Variants in CCDC148 observed in about 807,000 individuals in gnomAD.
CCDC148 encodes coiled-coil domain-containing protein 148.
CCDC148 carries 89 observed loss-of-function variants against 85.7 expected under a neutral mutation model. The observed-to-expected ratio is 1.04, with a 90% CI of 0.87 to 1.24. The LOEUF (loss-of-function observed/expected upper bound fraction) is 1.24. Among genes scored for constraint, CCDC148 ranks in the 50% most tolerant of loss-of-function variants. CCDC148 has a pLI of 0.00. For missense variants in CCDC148, 692 were observed against 671.7 expected (o/e 1.03, Z -0.33); for synonymous variants, 230 against 213.9 (o/e 1.08, Z -0.66).
At chr2:158,407,139 C>T (rs1686062706) in intron 1 of CCDC148, among the ~76,000 whole-genome samples, 1 of 152,076 alleles carries the variant, frequency 6.6e-6, no homozygotes, top group Non-Finnish European at 1.5e-5. Flanking sequence ...GCTTTTGATA[C>T]AATCCTCAAA....
intron 1 of CCDC148, among the ~76,000 whole-genome samples, chr2:158,437,581 C>T (rs1687720991): frequency 2.0e-5 from 3 of 152,122 alleles, no homozygotes; most frequent in African/African-American, 7.2e-5. Flanking sequence ...ACAGGGATGC[C>T]CTCTCTCACC....
chr2:158,410,196 T>C (rs1216628464), intron 1 of CCDC148, among the ~76,000 whole-genome samples: 1 of 152,210 alleles, frequency 6.6e-6, no homozygotes, highest in East Asian at 1.9e-4. Context: ...AGTTACTATT[T>C]GCATGGAATA....
chr2:158,446,600 T>A (rs961917906), intron 1 of CCDC148, among the ~76,000 whole-genome samples: 1 of 152,170 alleles, frequency 6.6e-6, no homozygotes, highest in Non-Finnish European at 1.5e-5. Flanking sequence ...CCATTATTTT[T>A]AAAGTTTTTT....
chr2:158,454,794 C>T (rs1688535294), intron 1 of CCDC148, among the ~76,000 whole-genome samples: 1 of 152,100 alleles, frequency 6.6e-6, no homozygotes, highest in African/African-American at 2.4e-5. Flanking sequence ...TGCTTAGTAG[C>T]GCAGGAGCAA....
intron 11 of CCDC148, among the ~76,000 whole-genome samples, chr2:158,191,326 C>A (rs770374035): frequency 9.2e-5 from 14 of 151,950 alleles, no homozygotes; most frequent in Non-Finnish European, 1.8e-4. Context: ...ATCAAAAGGA[C>A]CAAAGGTTTT....
At chr2:158,442,925 C>T (rs1439932807) in intron 1 of CCDC148, among the ~76,000 whole-genome samples, 2 of 152,214 alleles carry the variant, frequency 1.3e-5, no homozygotes, top group Non-Finnish European at 2.9e-5. Context: ...CAAACCCAGG[C>T]AGTCTGGCTC....
rs532964325 is a variant in CCDC148, at chr2:158,280,661, A to C, written c.1110+28772T>G. Among the ~76,000 whole-genome samples the C allele has an allele frequency of 7.7e-3, 1,170 of 152,268 alleles. 6 individuals carry two copies. Among genetic ancestry groups the C allele is most frequent in the South Asian group, 0.029 (138 of 4,810 alleles). On this transcript the variant is annotated intron_variant, in intron 9 of 13. Transcript: ENST00000283233. ...AGTGACCTACAAAGAGACTTAGACT[A>C]CCACACATTAATAACGGGAGACTTT...
chr2:158,328,943 A>G (rs187953953), intron 7 of CCDC148, among the ~76,000 whole-genome samples: 402 of 151,720 alleles, frequency 2.6e-3, no homozygotes, highest in Non-Finnish European at 4.9e-3. Flanking sequence ...GAATGCAAAA[A>G]TTTTCTCCCA....
At chr2:158,267,671 A>G (rs1357298161) in intron 9 of CCDC148, among the ~76,000 whole-genome samples, 1 of 152,168 alleles carries the variant, frequency 6.6e-6, no homozygotes, top group Non-Finnish European at 1.5e-5. Flanking sequence ...AAAGAATTTA[A>G]CTCTGCTTTC....
At chr2:158,290,090 T>C (rs573031383) in intron 9 of CCDC148, among the ~76,000 whole-genome samples, 2 of 152,262 alleles carry the variant, frequency 1.3e-5, no homozygotes, top group African/African-American at 4.8e-5. Context: ...GGGTAGAGCA[T>C]AGTAGAGGTG....
chr2:158,283,916 C>A (rs1690478121), intron 9 of CCDC148, among the ~76,000 whole-genome samples: 1 of 151,594 alleles, frequency 6.6e-6, no homozygotes, highest in South Asian at 2.1e-4. Flanking sequence ...GAAAATGTGG[C>A]ACATATACAC....
intron 9 of CCDC148, among the ~76,000 whole-genome samples, chr2:158,285,404 G>A (rs555056748): frequency 3.3e-5 from 5 of 151,884 alleles, no homozygotes; most frequent in African/African-American, 1.2e-4. Flanking sequence ...CATAGCATAT[G>A]AAATAGGAAA....
chr2:158,357,399 T>C (rs1451507967), intron 2 of CCDC148, among the ~76,000 whole-genome samples: 1 of 152,132 alleles, frequency 6.6e-6, no homozygotes, highest in East Asian at 1.9e-4. Context: ...TAAAAGATTA[T>C]GTGATAGACT....
chr2:158,438,066 T>C (rs1204821793), intron 1 of CCDC148, among the ~76,000 whole-genome samples: 1 of 152,110 alleles, frequency 6.6e-6, no homozygotes, highest in Non-Finnish European at 1.5e-5. Flanking sequence ...AATTTATAGA[T>C]TCAATGCCAT....
intron 9 of CCDC148, 57 bp downstream of exon 9, chr2:158,309,376 G>A: frequency 2.8e-6 from 4 of 1,433,364 alleles, no homozygotes; most frequent in Non-Finnish European, 3.8e-6. Flanking sequence ...GAACAAAAGG[G>A]AAAAATGGAT....
At chr2:158,305,097 A>G (rs966073334) in intron 9 of CCDC148, among the ~76,000 whole-genome samples, 1 of 152,154 alleles carries the variant, frequency 6.6e-6, no homozygotes, top group Non-Finnish European at 1.5e-5. Context: ...ATGACAGTGC[A>G]GATCTGCCAG....
chr2:158,310,588 G>A (rs1467007692), intron 8 of CCDC148, among the ~76,000 whole-genome samples: 3 of 151,640 alleles, frequency 2.0e-5, no homozygotes, highest in Admixed American at 2.0e-4. Context: ...GGGCGGAGGG[G>A]CTCCTCACTT....
intron 10 of CCDC148, among the ~76,000 whole-genome samples, chr2:158,237,375 G>C (rs1211772483): frequency 6.6e-6 from 1 of 152,112 alleles, no homozygotes; most frequent in Non-Finnish European, 1.5e-5. Context: ...CTACTGTGTG[G>C]GAAACTGATT....
chr2:158,223,622 TG>T (rs1002494980), intron 10 of CCDC148, among the ~76,000 whole-genome samples: 2 of 152,050 alleles, frequency 1.3e-5, no homozygotes, highest in Non-Finnish European at 2.9e-5. Flanking sequence ...TGAGACAAAA[TG>T]TCCAGAGGAA....
Sources: gnomAD v4.1 joint callset for allele counts (sites outside exome capture counted in the v4.1 genomes callset) on GRCh38, gnomAD v4.1.1 for gene constraint, MANE v1.5 for transcripts, NCBI Gene and HGNC (gene_info 2026-07-23, HGNC 2026-07-21) for gene names.